KCND2: variants seen among roughly 807,000 people sequenced by gnomAD.
KCND2 encodes the protein A-type voltage-gated potassium channel KCND2.
KCND2 carries 16 observed loss-of-function variants against 54.4 expected under a neutral mutation model. That is an observed-to-expected ratio of 0.29 (90% CI 0.20 to 0.45). The LOEUF is 0.45. Ranked by LOEUF, KCND2 falls within the 20% of genes least tolerant of loss-of-function variation. KCND2 has a pLI of 1.00. For missense variants in KCND2, 486 were observed against 824.2 expected (o/e 0.59, Z 5.02); for synonymous variants, 317 against 310.7 (o/e 1.02, Z -0.21).
intron 1 of KCND2, among the ~76,000 whole-genome samples, chr7:120,533,829 AAAT>A (rs1455637736): frequency 1.3e-5 from 2 of 152,058 alleles, no homozygotes; most frequent in Non-Finnish European, 2.9e-5. Flanking sequence ...TATTTTGGTT[AAAT>A]AATGACTGGC....
rs1554428368 is a variant in KCND2 at position 120,335,468 on chromosome 7, C to CTTACTTAT, written c.1115+59724_1115+59725insCTTATTTA. ...ATTTATTTATTTATTTACTTACTTA[C>CTTACTTAT]TTATTTATTTATTTATTTATTTATT... On this transcript the variant is annotated intron_variant, in intron 1 of 5. Transcript: ENST00000331113. 3.4e-3 allele frequency among the ~76,000 whole-genome samples: 372 copies of CTTACTTAT among 110,644 alleles called. 2 individuals carry two copies. Among genetic ancestry groups the CTTACTTAT allele is most frequent in the African/African-American group, 0.014 (336 of 23,396 alleles). 72.6% of individuals were successfully genotyped at this position (110,644 alleles called of 152,430 possible).
chr7:120,374,387 A>G (rs143782490), intron 1 of KCND2, among the ~76,000 whole-genome samples: 74 of 151,742 alleles, frequency 4.9e-4, no homozygotes, highest in African/African-American at 1.7e-3. Context: ...TTTTTGTACA[A>G]TCTAGTTTGG....
intron 1 of KCND2, among the ~76,000 whole-genome samples, chr7:120,340,505 T>A (rs1379508671): frequency 6.6e-6 from 1 of 152,214 alleles, no homozygotes; most frequent in Non-Finnish European, 1.5e-5. Context: ...TTTTGAAATA[T>A]CTATTTGACA....
At chr7:120,588,314 G>T (rs906180583) in intron 1 of KCND2, among the ~76,000 whole-genome samples, 3 of 151,708 alleles carry the variant, frequency 2.0e-5, no homozygotes, top group Admixed American at 6.6e-5. Context: ...AAAATACTAT[G>T]AATGATTTTA....
At chr7:120,276,296 T>G (rs1320218724) in intron 1 of KCND2, among the ~76,000 whole-genome samples, 1 of 152,210 alleles carries the variant, frequency 6.6e-6, no homozygotes, top group Non-Finnish European at 1.5e-5. Flanking sequence ...ATGCACATAT[T>G]CATATGTATG....
chr7:120,626,108 C>A (rs1793160766), intron 1 of KCND2, among the ~76,000 whole-genome samples: 1 of 152,080 alleles, frequency 6.6e-6, no homozygotes. Context: ...GTGTGGTCTG[C>A]ATTAATATTC....
chr7:120,382,796 G>A (rs553318678), intron 1 of KCND2, among the ~76,000 whole-genome samples: 1 of 151,810 alleles, frequency 6.6e-6, no homozygotes, highest in African/African-American at 2.4e-5. Flanking sequence ...GCAACTCCAA[G>A]GATTACTCTT....
chr7:120,616,124 G>C (rs1424068529), intron 1 of KCND2, among the ~76,000 whole-genome samples: 2 of 152,158 alleles, frequency 1.3e-5, no homozygotes, highest in African/African-American at 2.4e-5. Context: ...AAAGGAAAGA[G>C]GGAAGAAGCA....
chr7:120,636,832 A>T (rs1793310615), intron 1 of KCND2, among the ~76,000 whole-genome samples: 1 of 152,152 alleles, frequency 6.6e-6, no homozygotes. Flanking sequence ...TCTCCTCTAC[A>T]ATCTACCAAG....
chr7:120,343,487 A>G (rs1385126161), intron 1 of KCND2, among the ~76,000 whole-genome samples: 1 of 152,154 alleles, frequency 6.6e-6, no homozygotes, highest in Admixed American at 6.6e-5. Flanking sequence ...TACATTTTTT[A>G]TGGAGCAGGA....
chr7:120,708,430 C>T (rs1792496914), intron 1 of KCND2, among the ~76,000 whole-genome samples: 1 of 152,044 alleles, frequency 6.6e-6, no homozygotes, highest in South Asian at 2.1e-4. Context: ...CAATAATGAA[C>T]TTTCTAGAAA....
At chr7:120,464,017 GTTT>G in intron 1 of KCND2, 106 of 786,938 alleles carry the variant, frequency 1.3e-4, no homozygotes, top group Middle Eastern at 6.5e-4. Flanking sequence ...TCTTAGTTTT[GTTT>G]TTTTTTTTTT....
At chr7:120,387,704 CTT>C (rs543649791) in intron 1 of KCND2, among the ~76,000 whole-genome samples, 235 of 152,136 alleles carry the variant, frequency 1.5e-3, no homozygotes, top group African/African-American at 5.3e-3. Flanking sequence ...GCTATCCTCT[CTT>C]AACTTTTTTT....
intron 1 of KCND2, among the ~76,000 whole-genome samples, chr7:120,724,338 C>T (rs1456738151): frequency 6.6e-6 from 1 of 151,994 alleles, no homozygotes; most frequent in East Asian, 1.9e-4. Context: ...ATAAAATTGT[C>T]AGGAAGTTTT....
At chr7:120,281,707 G>A (rs1799266389) in intron 1 of KCND2, among the ~76,000 whole-genome samples, 2 of 152,156 alleles carry the variant, frequency 1.3e-5, no homozygotes, top group African/African-American at 4.8e-5. Context: ...CTTCTGGGGA[G>A]TTATTACCTA....
At chr7:120,595,460 A>AAAATAT (rs1418247126) in intron 1 of KCND2, among the ~76,000 whole-genome samples, 14 of 112,950 alleles carry the variant, frequency 1.2e-4, no homozygotes, top group Non-Finnish European at 2.3e-4. Flanking sequence ...CCAAAAAAAA[A>AAAATAT]ATATATATAT....
At chr7:120,597,269 TA>T (rs1258067507) in intron 1 of KCND2, among the ~76,000 whole-genome samples, 6 of 152,122 alleles carry the variant, frequency 3.9e-5, no homozygotes, top group Non-Finnish European at 8.8e-5. Flanking sequence ...GGGGTATTGA[TA>T]AAAGATAGGG....
chr7:120,563,893 T>A (rs1357146446), intron 1 of KCND2, among the ~76,000 whole-genome samples: 1 of 152,190 alleles, frequency 6.6e-6, no homozygotes, highest in East Asian at 1.9e-4. Context: ...AAAGTTCCCC[T>A]TGAAGCCTTT....
At chr7:120,578,037 A>G (rs1311857897) in intron 1 of KCND2, among the ~76,000 whole-genome samples, 3 of 33,954 alleles carry the variant, frequency 8.8e-5, no homozygotes, top group Non-Finnish European at 1.9e-4. Context: ...GAAGAAGGAG[A>G]AGAAGGAGAA....
Sources: gnomAD v4.1 joint callset for allele counts (sites outside exome capture counted in the v4.1 genomes callset) on GRCh38, gnomAD v4.1.1 for gene constraint, MANE v1.5 for transcripts, NCBI Gene and HGNC (gene_info 2026-07-23, HGNC 2026-07-21) for gene names.